FHIT: variants seen among roughly 807,000 people sequenced by gnomAD.
FHIT encodes the protein fragile histidine triad diadenosine triphosphatase.
Under a neutral mutation model 17.9 loss-of-function variants are expected in FHIT, and 19 were observed. The observed-to-expected ratio is 1.06, with a 90% CI of 0.74 to 1.56. The LOEUF (loss-of-function observed/expected upper bound fraction) is 1.56. Among genes scored for constraint, FHIT ranks in the 40% most tolerant of loss-of-function variants. The pLI is 0.00. For synonymous variants in FHIT, 81 were observed against 69.7 expected, an observed-to-expected ratio of 1.16 and a Z score of -0.81; for missense variants, 248 against 189.2, an observed-to-expected ratio of 1.31 and a Z score of -1.82.
At chr3:60,633,931 G>A (rs941290053) in intron 4 of FHIT, among the ~76,000 whole-genome samples, 20 of 152,204 alleles carry the variant, frequency 1.3e-4, no homozygotes, top group African/African-American at 4.8e-4. Context: ...TCTGGGGAAC[G>A]CACAGGCTCA....
At chr3:60,639,873 C>A (rs2039682148) in intron 4 of FHIT, among the ~76,000 whole-genome samples, 1 of 152,102 alleles carries the variant, frequency 6.6e-6, no homozygotes, top group African/African-American at 2.4e-5. Flanking sequence ...CACAATAATC[C>A]AAACTTGTAA....
chr3:60,681,392 C>A (rs1577063531), intron 4 of FHIT, among the ~76,000 whole-genome samples: 1 of 152,208 alleles, frequency 6.6e-6, no homozygotes, highest in Non-Finnish European at 1.5e-5. Context: ...CTTCCCTATT[C>A]CCTGAGACAC....
At chr3:60,124,579 T>C (rs1478798667) in intron 5 of FHIT, among the ~76,000 whole-genome samples, 1 of 152,080 alleles carries the variant, frequency 6.6e-6, no homozygotes, top group Non-Finnish European at 1.5e-5. Flanking sequence ...ATACACTATA[T>C]CAATATAAGT....
intron 5 of FHIT, among the ~76,000 whole-genome samples, chr3:60,118,771 CGGCG>C (rs1343852230): frequency 1.3e-3 from 2 of 1,530 alleles, no homozygotes; most frequent in East Asian, 6.8e-3. Context: ...GAGGTGGGGG[CGGCG>C]GGGGGGGGGG....
At chr3:60,728,609 T>G (rs1298990047) in intron 4 of FHIT, among the ~76,000 whole-genome samples, 1 of 152,054 alleles carries the variant, frequency 6.6e-6, no homozygotes, top group African/African-American at 2.4e-5. Flanking sequence ...AAAAATTGTT[T>G]ATTGTTTATT....
intron 4 of FHIT, among the ~76,000 whole-genome samples, chr3:60,539,712 G>A (rs573484328): frequency 1.6e-4 from 25 of 152,194 alleles, no homozygotes; most frequent in Middle Eastern, 6.8e-3. Flanking sequence ...AACACTGCAT[G>A]TTCTCACTTA....
At chr3:60,712,571 G>A (rs2041566584) in intron 4 of FHIT, among the ~76,000 whole-genome samples, 1 of 151,926 alleles carries the variant, frequency 6.6e-6, no homozygotes, top group Non-Finnish European at 1.5e-5. Context: ...AAAATAAAGG[G>A]ATGGAGGAAG....
intron 1 of FHIT, among the ~76,000 whole-genome samples, chr3:61,230,846 C>A (rs978054690): frequency 6.6e-6 from 1 of 152,180 alleles, no homozygotes. Flanking sequence ...AGTTTTGGAA[C>A]TGGTATATCA....
At chr3:61,131,169 A>G (rs1230373799) in intron 2 of FHIT, among the ~76,000 whole-genome samples, 1 of 152,220 alleles carries the variant, frequency 6.6e-6, no homozygotes, top group African/African-American at 2.4e-5. Flanking sequence ...CTTCCTCCAC[A>G]ATAAATACCA....
At chr3:60,895,710 CTTTCTTTCTTTCTTTCTTTCTT>C (rs1705770030) in intron 3 of FHIT, among the ~76,000 whole-genome samples, 1 of 120,682 alleles carries the variant, frequency 8.3e-6, no homozygotes, top group Non-Finnish European at 1.9e-5. Flanking sequence ...TTCTTTCTTT[CTTTCTTTCTTTCTTTCTTTCTT>C]TCTTCTTTCT....
intron 5 of FHIT, among the ~76,000 whole-genome samples, chr3:60,504,427 T>A (rs113740100): frequency 9.1e-6 from 1 of 109,328 alleles, no homozygotes. Flanking sequence ...CGAGACCCCG[T>A]CTCAAAAAAA....
intron 4 of FHIT, among the ~76,000 whole-genome samples, chr3:60,561,775 G>A (rs997672088): frequency 6.6e-6 from 1 of 152,220 alleles, no homozygotes; most frequent in East Asian, 1.9e-4. Flanking sequence ...AAATGGTACA[G>A]GCTTTGGCAG....
At chr3:61,204,869 A>C (rs543921192) in intron 1 of FHIT, among the ~76,000 whole-genome samples, 113 of 152,260 alleles carry the variant, frequency 7.4e-4, no homozygotes, top group African/African-American at 2.5e-3. Flanking sequence ...ACATGTGCAC[A>C]ACGTGCAAGT....
chr3:60,470,754 T>G (rs2033047436), intron 5 of FHIT, among the ~76,000 whole-genome samples: 1 of 151,998 alleles, frequency 6.6e-6, no homozygotes, highest in African/African-American at 2.4e-5. Flanking sequence ...TCTTTACTTT[T>G]CCCTCTCTTT....
At chr3:60,939,681 G>A (rs1708329549) in intron 3 of FHIT, among the ~76,000 whole-genome samples, 1 of 152,024 alleles carries the variant, frequency 6.6e-6, no homozygotes, top group African/African-American at 2.4e-5. Context: ...TTTTACTACA[G>A]AAATTATTAT....
intron 3 of FHIT, among the ~76,000 whole-genome samples, chr3:61,034,388 A>C (rs1252698780): frequency 6.6e-6 from 1 of 152,190 alleles, no homozygotes; most frequent in African/African-American, 2.4e-5. Flanking sequence ...AGTATCCAGA[A>C]TATACAGTAT....
intron 8 of FHIT, among the ~76,000 whole-genome samples, chr3:59,898,135 T>A (rs964715044): frequency 2.6e-5 from 4 of 152,150 alleles, no homozygotes; most frequent in Admixed American, 2.0e-4. Context: ...AGTGTTATGA[T>A]GGGTCACAGT....
intron 3 of FHIT, among the ~76,000 whole-genome samples, chr3:60,985,161 C>T (rs6776343): frequency 0.04 from 6,057 of 152,210 alleles, 384 homozygotes; most frequent in African/African-American, 0.14. Context: ...TCCCACTACT[C>T]TTCACCTCCT....
rs9842893 is a variant in FHIT, at chr3:61,214,000, C to G, written c.-212-13335G>C. On this transcript the variant is annotated intron_variant, in intron 1 of 9. Transcript: ENST00000492590. ...CATACCAGAATCTCTGGGACCCATT[C>G]AAAGCAGTGTATAGAGGGAAATTTA... Among the ~76,000 whole-genome samples the G allele has an allele frequency of 2.0e-3, 300 of 152,194 alleles. 2 individuals are homozygous for G. Among genetic ancestry groups the G allele is most frequent in the African/African-American group, 5.8e-3 (240 of 41,528 alleles).
Sources: allele counts gnomAD v4.1 joint callset (sites outside exome capture counted in the v4.1 genomes callset), GRCh38; gene constraint gnomAD v4.1.1; transcripts MANE v1.5; gene names NCBI Gene and HGNC (gene_info 2026-07-23, HGNC 2026-07-21).